Variants in POFUT2 observed in about 807,000 individuals in gnomAD.
The protein encoded by POFUT2 is protein O-fucosyltransferase 2.
Under a neutral mutation model 55.0 loss-of-function variants are expected in POFUT2, and 30 were observed. That is an observed-to-expected ratio of 0.55 (90% CI 0.41 to 0.74). POFUT2 has a LOEUF of 0.74. Ranked by LOEUF, POFUT2 falls within the 30% of genes least tolerant of loss-of-function variation. The pLI, the probability that POFUT2 is intolerant of heterozygous loss-of-function variation, is 0.00. For synonymous variants in POFUT2, 267 were observed against 231.1 expected (o/e 1.16, Z -1.41); for missense variants, 524 against 562.6 (o/e 0.93, Z 0.69).
At chr21:45,287,686 T>G (rs967366228) in intron 1 of POFUT2, 55 bp downstream of exon 1, 2 of 354,592 alleles carry the variant, frequency 5.6e-6, no homozygotes, top group Non-Finnish European at 7.6e-6. Context: ...CATCCCATCC[T>G]CTGACCCTGC....
chr21:45,266,399 C>T (rs1350178344), intron 8 of POFUT2: 19 of 1,192,794 alleles, frequency 1.6e-5, no homozygotes, highest in Admixed American at 6.8e-5. Context: ...CAGAGCAGGC[C>T]GCGCCGGCCC....
rs1002214205 is a variant in POFUT2 at position 45,277,798 on chromosome 21, C to G, written c.705+305G>C. 1 of 455,198 alleles carries G rather than the reference C, an allele frequency of 2.2e-6. No homozygotes were observed. The highest frequency in any genetic ancestry group is 3.7e-5 in the Admixed American group (1 of 27,066). 28.2% of individuals were successfully genotyped at this position (455,198 alleles called of 1,614,324 possible). On this transcript the variant is annotated intron_variant, in intron 5 of 8. Coordinates refer to ENST00000349485, the MANE Select transcript of POFUT2 (RefSeq NM_133635.6). This position sits in a 1 kb window ranked among gnomAD's most constrained non-coding sequence, Gnocchi z 6.9. Reference sequence around the variant, plus strand: ...GCTAAAGAGAGGAGAAAGGAGGGGTCTACGTTCCAGCCACTGACGGAGTCA... The same window carrying G: ...GCTAAAGAGAGGAGAAAGGAGGGGTGTACGTTCCAGCCACTGACGGAGTCA...
Position 45,281,570 on chromosome 21 carries a change from G to C in POFUT2, c.638+779C>G, listed in dbSNP as rs2030643873. Among the ~76,000 whole-genome samples the C allele has an allele frequency of 6.6e-6, 1 of 152,146 alleles. No individual in the cohort carries two copies. Among genetic ancestry groups the C allele is most frequent in the East Asian group, 1.9e-4 (1 of 5,170 alleles). On this transcript the variant is annotated intron_variant, in intron 4 of 8. Coordinates refer to ENST00000349485, the MANE Select transcript of POFUT2 (RefSeq NM_133635.6). The surrounding 1 kb of genome is among the most constrained non-coding windows in gnomAD (Gnocchi z 5.0). ...CTGTTACTGACCAGGGTGATACCGA[G>C]CCAGCTGTGATGTGCAACAGGATCG...
In POFUT2 at chr21:45,284,265, A is replaced by T. The variant is rs574078227; in HGVS notation, c.383-738T>A. Among the ~76,000 whole-genome samples the T allele has an allele frequency of 1.3e-5, 2 of 151,620 alleles. No individual in the cohort carries two copies. Among genetic ancestry groups the T allele is most frequent in the Non-Finnish European group, 2.9e-5 (2 of 67,896 alleles). On this transcript the variant is annotated intron_variant, in intron 2 of 8. Coordinates refer to ENST00000349485, the MANE Select transcript of POFUT2 (RefSeq NM_133635.6). The surrounding 1 kb of genome is among the most constrained non-coding windows in gnomAD (Gnocchi z 5.8). ...GAACAAAGCGGGAGGGAGCATCGCG[A>T]AGGTGAAGTTCTGGTATCCTTTTTG...
At chr21:45,266,380 G>A in intron 8 of POFUT2, 1 of 1,246,208 alleles carries the variant, frequency 8.0e-7, no homozygotes. Context: ...CCCACACACA[G>A]GGGCCTGCCA....
rs780764583 is a variant in POFUT2 at position 45,265,462 on chromosome 21, G to A, written c.*20C>T. ...CACCCGCGCCTGTCGGGTCCGGGGAGCGGCCCTGGAGGATCCTCCTCAGTA... is the reference window on the plus strand; with the variant it reads ...CACCCGCGCCTGTCGGGTCCGGGGAACGGCCCTGGAGGATCCTCCTCAGTA... On this transcript the variant is annotated 3_prime_UTR_variant, in exon 9 of 9. Coordinates refer to ENST00000349485, the MANE Select transcript of POFUT2 (RefSeq NM_133635.6). This position sits in a 1 kb window ranked among gnomAD's most constrained non-coding sequence, Gnocchi z 4.6. 1 of 1,592,478 alleles carries A rather than the reference G, an allele frequency of 6.3e-7. No individual in the cohort carries two copies. Among genetic ancestry groups the A allele is most frequent in the Non-Finnish European group, 8.5e-7 (1 of 1,169,888 alleles).
In POFUT2 at chr21:45,285,585, G is replaced by A. The variant is rs777884313; in HGVS notation, c.382+93C>T. The A allele has an allele frequency of 1.3e-6, 2 of 1,482,500 alleles. No homozygotes were observed. The highest frequency in any genetic ancestry group is 1.9e-6 in the Non-Finnish European group (2 of 1,071,552). 91.8% of individuals were successfully genotyped at this position (1,482,500 alleles called of 1,614,324 possible). A position where few individuals can be genotyped will look rare whatever the true frequency, so the allele number is the denominator to read the frequency against. ...CTGGAGGATGCTGGTGAGGCTGGAT[G>A]CAATCGTAAGCCCAACCTGATGTCT... On this transcript the variant is annotated intron_variant, in intron 2 of 8. Transcript: ENST00000349485. This position sits in a 1 kb window ranked among gnomAD's most constrained non-coding sequence, Gnocchi z 4.9.
chr21:45,267,605 A>G lies in POFUT2; in HGVS notation c.1121T>C (p.Ile374Thr). The G allele has an allele frequency of 6.2e-7, 1 of 1,614,178 alleles. No individual in the cohort carries two copies. The highest frequency in any genetic ancestry group is 1.1e-5 in the South Asian group (1 of 91,086). The change falls in exon 8 of 9, where the codon ATC becomes ACC. Residue 374 changes from isoleucine (I) to threonine (T), a missense_variant. By Grantham distance (89) the Ile-to-Thr change is moderately conservative. Transcript: ENST00000349485. This position sits in a 1 kb window ranked among gnomAD's most constrained non-coding sequence, Gnocchi z 4.4. ...DGGVAIIDQW[I>T]CAHARFFIGT... Reference sequence around the variant, plus strand: ...GGGCAGGCACCTGGCGTGTGCGCAGATCCACTGGTCAATAATCGCAACGCC... The same window carrying G: ...GGGCAGGCACCTGGCGTGTGCGCAGGTCCACTGGTCAATAATCGCAACGCC...
intron 6 of POFUT2, among the ~76,000 whole-genome samples, chr21:45,273,219 C>T (rs1404876564): frequency 6.6e-6 from 1 of 152,072 alleles, no homozygotes; most frequent in Non-Finnish European, 1.5e-5. Context: ...CAGTCGATAC[C>T]ATAGAAACAC....
chr21:45,277,863 C>T lies in POFUT2; in HGVS notation c.705+240G>A, dbSNP rs925125468. Reference sequence around the variant, plus strand: ...GACTCCAGGGCGCTGCCACCGCATTCAGGGCCTGTGGCATCAGAGGGGAGA... The same window carrying T: ...GACTCCAGGGCGCTGCCACCGCATTTAGGGCCTGTGGCATCAGAGGGGAGA... On this transcript the variant is annotated intron_variant, in intron 5 of 8. Coordinates refer to ENST00000349485, the MANE Select transcript of POFUT2 (RefSeq NM_133635.6). This position sits in a 1 kb window ranked among gnomAD's most constrained non-coding sequence, Gnocchi z 6.9. 2.1e-5 allele frequency: 12 copies of T among 577,078 alleles called. No homozygotes were observed. The Admixed American group carries it at 2.7e-4, about 13-fold the overall frequency. The allele number at this position is 577,078 out of a possible 1,614,324, so 35.7% of individuals were successfully genotyped here. A position where few individuals can be genotyped will look rare whatever the true frequency, so the allele number is the denominator to read the frequency against.
rs1046901727 is a variant in POFUT2, at chr21:45,281,323, G to A, written c.638+1026C>T. Among the ~76,000 whole-genome samples the A allele has an allele frequency of 2.6e-5, 4 of 152,176 alleles. No individual in the cohort carries two copies. Among genetic ancestry groups the A allele is most frequent in the Non-Finnish European group, 5.9e-5 (4 of 68,040 alleles). On this transcript the variant is annotated intron_variant, in intron 4 of 8. Coordinates refer to ENST00000349485, the MANE Select transcript of POFUT2 (RefSeq NM_133635.6). This position sits in a 1 kb window ranked among gnomAD's most constrained non-coding sequence, Gnocchi z 5.0. ...GTAGGCAGACTGGCTTCCAAAACCCGAATATTGTCATGAAATGAACCCAGT... is the reference window on the plus strand; with the variant it reads ...GTAGGCAGACTGGCTTCCAAAACCCAAATATTGTCATGAAATGAACCCAGT...
At chr21:45,283,009 C>A in intron 3 of POFUT2, 1 of 446,442 alleles carries the variant, frequency 2.2e-6, no homozygotes. Context: ...ATGTTCATCA[C>A]GGCCCATTCT....
chr21:45,287,845 C>G lies in POFUT2; in HGVS notation c.27G>C (p.Leu9=), dbSNP rs377224822. 1 of 1,438,736 alleles carries G rather than the reference C, an allele frequency of 7.0e-7. No individual in the cohort carries two copies. The highest frequency in any genetic ancestry group is 1.4e-5 in the South Asian group (1 of 70,734). 89.1% of individuals were successfully genotyped at this position (1,438,736 alleles called of 1,614,324 possible). The stretch of plus-strand genomic sequence containing the variant: ...GAGGCCAGGACACTGCCCCCAGCAG[C>G]AGGAAGACGAAGCTGAGTGTCGCCA... MATLSFVF[L]LLGAVSWPPA... Residue 9 remains leucine, a synonymous_variant, in exon 1 of 9, where the codon CTG becomes CTC. Transcript: ENST00000349485.
Position 45,277,379 on chromosome 21 carries a change from C to T in POFUT2, c.706-237G>A. On this transcript the variant is annotated intron_variant, in intron 5 of 8. Coordinates refer to ENST00000349485, the MANE Select transcript of POFUT2 (RefSeq NM_133635.6). The surrounding 1 kb of genome is among the most constrained non-coding windows in gnomAD (Gnocchi z 6.9). ...CCCCTGCCGGCTCTGCCAGCCCCTG[C>T]CGTGGGAAGCTGCGGCACACACTGG... is the stretch of plus-strand genomic sequence containing the variant. 1.9e-6 allele frequency: 1 copy of T among 524,686 alleles called. No individual in the cohort carries two copies. Among genetic ancestry groups the T allele is most frequent in the Non-Finnish European group, 3.4e-6 (1 of 293,854 alleles). The allele number at this position is 524,686 out of a possible 1,614,324, so 32.5% of individuals were successfully genotyped here.
At chr21:45,278,930 C>G (rs1477074665) in intron 4 of POFUT2, among the ~76,000 whole-genome samples, 1 of 152,156 alleles carries the variant, frequency 6.6e-6, no homozygotes, top group Non-Finnish European at 1.5e-5. Context: ...GTGGGAAGTG[C>G]CTCTCCTATT....
In POFUT2 at chr21:45,267,531, A is replaced by G. The variant is rs2093167538; in HGVS notation, c.1136+59T>C. The G allele has an allele frequency of 1.2e-6, 2 of 1,614,046 alleles. No individual in the cohort carries two copies. The highest frequency in any genetic ancestry group is 1.7e-6 in the Non-Finnish European group (2 of 1,180,032). On this transcript the variant is annotated intron_variant, in intron 8 of 8. Coordinates refer to ENST00000349485, the MANE Select transcript of POFUT2 (RefSeq NM_133635.6). This position sits in a 1 kb window ranked among gnomAD's most constrained non-coding sequence, Gnocchi z 4.4. Reference sequence around the variant, plus strand: ...TGCTCTGACACCGAGTACTTGGGACAGAAGAACCTTTGAAAGCCACCCGAC... The same window carrying G: ...TGCTCTGACACCGAGTACTTGGGACGGAAGAACCTTTGAAAGCCACCCGAC...
In POFUT2 at chr21:45,277,184, G is replaced by C. The variant is rs752480429; in HGVS notation, c.706-42C>G. 5 of 1,596,988 alleles carry C rather than the reference G, an allele frequency of 3.1e-6. No homozygotes were observed. The African/African-American group carries it at 6.7e-5, about 21-fold the overall frequency. ...GGCTCGGCTGAGAACACGCCCGCCC[G>C]CCACGCAGCCCTCCCGGAGCGGGTT... On this transcript the variant is annotated intron_variant, in intron 5 of 8. Transcript: ENST00000349485. The surrounding 1 kb of genome is among the most constrained non-coding windows in gnomAD (Gnocchi z 6.9).
intron 7 of POFUT2, among the ~76,000 whole-genome samples, chr21:45,268,771 G>T (rs2093184147): frequency 6.6e-6 from 1 of 150,978 alleles, no homozygotes; most frequent in Non-Finnish European, 1.5e-5. Context: ...GGGAAGTGAG[G>T]AGCGTCTCCG....
In POFUT2 at chr21:45,282,791, C is replaced by T. The variant is rs1003277594; in HGVS notation, c.528-332G>A. On this transcript the variant is annotated intron_variant, in intron 3 of 8. Coordinates refer to ENST00000349485, the MANE Select transcript of POFUT2 (RefSeq NM_133635.6). The surrounding 1 kb of genome is among the most constrained non-coding windows in gnomAD (Gnocchi z 4.6). ...CGTCAGCCAAGTCAACCGCGCCCTT[C>T]CCAAGAGCTCACCTGCCATGCTTTA... is the stretch of plus-strand genomic sequence containing the variant. 6.0e-6 allele frequency: 3 copies of T among 501,228 alleles called. No individual in the cohort carries two copies. The Admixed American group carries it at 6.9e-5, about 12-fold the overall frequency. 31.0% of individuals were successfully genotyped at this position (501,228 alleles called of 1,614,324 possible). A position where few individuals can be genotyped will look rare whatever the true frequency, so the allele number is the denominator to read the frequency against.
Sources: allele counts gnomAD v4.1 joint callset (sites outside exome capture counted in the v4.1 genomes callset), GRCh38; gene constraint gnomAD v4.1.1; non-coding constraint Gnocchi (gnomAD v3.1); transcripts MANE v1.5; gene names NCBI Gene and HGNC (gene_info 2026-07-23, HGNC 2026-07-21).